ZFPM1: variants seen among roughly 807,000 people sequenced by gnomAD.
The protein encoded by ZFPM1 is zinc finger protein ZFPM1.
Under a neutral mutation model 46.3 loss-of-function variants are expected in ZFPM1, and 28 were observed. The observed-to-expected ratio is 0.60, with a 90% confidence interval of 0.45 to 0.83. The LOEUF (loss-of-function observed/expected upper bound fraction) is 0.83. Ranked by LOEUF, ZFPM1 falls within the 40% of genes least tolerant of loss-of-function variation. The pLI, the probability that ZFPM1 is intolerant of heterozygous loss-of-function variation, is 0.00. For missense variants in ZFPM1, 1,878 were observed against 1,432.4 expected (o/e 1.31, Z -5.02); for synonymous variants, 957 against 675.9 (o/e 1.42, Z -6.45).
At chr16:88,498,312 A>C (rs1359781545) in intron 3 of ZFPM1, among the ~76,000 whole-genome samples, 1 of 152,054 alleles carries the variant, frequency 6.6e-6, no homozygotes, top group South Asian at 2.1e-4. Context: ...CCTTCCCCGG[A>C]GGTTTGCTGA....
At chr16:88,531,701 C>T (rs1392285531) in intron 6 of ZFPM1, among the ~76,000 whole-genome samples, 1 of 152,254 alleles carries the variant, frequency 6.6e-6, no homozygotes, top group Non-Finnish European at 1.5e-5. Context: ...CCACTTCTTC[C>T]TTCTGCCCCC....
intron 3 of ZFPM1, among the ~76,000 whole-genome samples, chr16:88,506,383 G>T (rs947258007): frequency 2.0e-5 from 3 of 152,050 alleles, no homozygotes; most frequent in East Asian, 1.9e-4. Context: ...GCGCTGGGGG[G>T]CCTTAGGCAG....
intron 2 of ZFPM1, among the ~76,000 whole-genome samples, chr16:88,486,979 CT>C (rs1283220082): frequency 3.3e-5 from 5 of 152,208 alleles, no homozygotes; most frequent in Non-Finnish European, 5.9e-5. Flanking sequence ...CCACCCAGGT[CT>C]GGGTTTAGCC....
In ZFPM1 at chr16:88,471,306, C is replaced by G. The variant is rs1183049788; in HGVS notation, c.41-14633C>G. Among the ~76,000 whole-genome samples, 2 of 152,268 alleles carry G rather than the reference C, an allele frequency of 1.3e-5. No homozygotes were observed. Among genetic ancestry groups the G allele is most frequent in the Admixed American group, 6.5e-5 (1 of 15,292 alleles). On this transcript the variant is annotated intron_variant, in intron 1 of 9. Transcript: ENST00000319555. The surrounding 1 kb of genome is among the most constrained non-coding windows in gnomAD (Gnocchi z 4.1). ...TCGCGAAGGCCAGCGGCCGCAGGGTCTGGCTTGGGCTATAGCATCTAGGCT... is the reference window on the plus strand; with the variant it reads ...TCGCGAAGGCCAGCGGCCGCAGGGTGTGGCTTGGGCTATAGCATCTAGGCT...
chr16:88,463,410 TC>T (rs996948466), intron 1 of ZFPM1, among the ~76,000 whole-genome samples: 2 of 152,044 alleles, frequency 1.3e-5, no homozygotes, highest in African/African-American at 4.8e-5. Flanking sequence ...CACAGGGCCC[TC>T]CCCCGGATGT....
intron 3 of ZFPM1, among the ~76,000 whole-genome samples, chr16:88,498,099 G>T (rs1405879496): frequency 6.6e-6 from 1 of 151,966 alleles, no homozygotes; most frequent in Non-Finnish European, 1.5e-5. Context: ...GGATGGCAGG[G>T]GTCAGCCTGG....
Position 88,480,371 on chromosome 16 carries a change from C to T in ZFPM1, c.41-5568C>T, listed in dbSNP as rs913676071. Among the ~76,000 whole-genome samples the T allele has an allele frequency of 3.3e-5, 5 of 152,102 alleles. No individual in the cohort carries two copies. Among genetic ancestry groups the T allele is most frequent in the African/African-American group, 4.8e-5 (2 of 41,412 alleles). On this transcript the variant is annotated intron_variant, in intron 1 of 9. Coordinates refer to ENST00000319555, the MANE Select transcript of ZFPM1 (RefSeq NM_153813.3). This position sits in a 1 kb window ranked among gnomAD's most constrained non-coding sequence, Gnocchi z 4.9. ...GGAAGGGGAAAGGAGCCAGCGAAAG[C>T]GAAGGAGGAAGAAGTGAGTGTGTGA...
At chr16:88,532,327 C>T in intron 7 of ZFPM1, 92 bp downstream of exon 7, 2 of 1,238,878 alleles carry the variant, frequency 1.6e-6, no homozygotes, top group Non-Finnish European at 2.2e-6. Flanking sequence ...CATGCAAGCA[C>T]ACACGGTGCC....
chr16:88,456,786 G>A (rs77912798), intron 1 of ZFPM1, among the ~76,000 whole-genome samples: 3,740 of 152,258 alleles, frequency 0.025, 144 homozygotes, highest in African/African-American at 0.085. Flanking sequence ...ATGGAATCAG[G>A]AATAGGTCCC....
intron 3 of ZFPM1, among the ~76,000 whole-genome samples, chr16:88,495,349 C>T (rs981396134): frequency 2.0e-5 from 3 of 152,200 alleles, no homozygotes; most frequent in Non-Finnish European, 4.4e-5. Flanking sequence ...AACAGGCCTC[C>T]GCCACCTCCC....
chr16:88,512,256 A>G (rs1000950989), intron 3 of ZFPM1, among the ~76,000 whole-genome samples: 1 of 152,136 alleles, frequency 6.6e-6, no homozygotes, highest in Admixed American at 6.5e-5. Context: ...GCAGGGGACA[A>G]GTGAGAGCCC....
At position 88,462,176 on chromosome 16, in the gene ZFPM1, G is replaced by A. The variant is rs547944365; in HGVS notation, c.40+8498G>A. On this transcript the variant is annotated intron_variant, in intron 1 of 9. Coordinates refer to ENST00000319555, the MANE Select transcript of ZFPM1 (RefSeq NM_153813.3). ...TCCTGTGCCTCCGTCTGCTTCCCCAGCTTCCCCTGGGCTGCTGGCTGTGGT... is the reference window on the plus strand; with the variant it reads ...TCCTGTGCCTCCGTCTGCTTCCCCAACTTCCCCTGGGCTGCTGGCTGTGGT... Among the ~76,000 whole-genome samples the A allele has an allele frequency of 1.5e-4, 23 of 152,324 alleles. No individual in the cohort carries two copies. In the East Asian group the frequency reaches 2.9e-3, roughly 19 times the overall value.
At chr16:88,521,748 C>A (rs1352704730) in intron 4 of ZFPM1, among the ~76,000 whole-genome samples, 2 of 100,484 alleles carry the variant, frequency 2.0e-5, no homozygotes, top group Non-Finnish European at 4.0e-5. Flanking sequence ...TTCCCACACC[C>A]TGTGCTGTTC....
intron 3 of ZFPM1, among the ~76,000 whole-genome samples, chr16:88,513,830 C>T (rs1174436486): frequency 6.6e-6 from 1 of 152,218 alleles, no homozygotes; most frequent in Non-Finnish European, 1.5e-5. Flanking sequence ...ACCCTCATGG[C>T]TGCCTCCCAT....
At position 88,497,166 on chromosome 16, in the gene ZFPM1, G is replaced by C. The variant is rs887183631; in HGVS notation, c.268+8013G>C. ...GGGCTCTGATGGCAGAGATGGGAAGGCTGGCCATGTCCCCAGGGCACTGCT... is the reference window on the plus strand; with the variant it reads ...GGGCTCTGATGGCAGAGATGGGAAGCCTGGCCATGTCCCCAGGGCACTGCT... On this transcript the variant is annotated intron_variant, in intron 3 of 9. Coordinates refer to ENST00000319555, the MANE Select transcript of ZFPM1 (RefSeq NM_153813.3). This position sits in a 1 kb window ranked among gnomAD's most constrained non-coding sequence, Gnocchi z 5.4. Among the ~76,000 whole-genome samples, 3 of 152,222 alleles carry C rather than the reference G, an allele frequency of 2.0e-5. No individual in the cohort carries two copies. Among genetic ancestry groups the C allele is most frequent in the East Asian group, 3.9e-4 (2 of 5,188 alleles).
In ZFPM1 at chr16:88,501,635, G is replaced by A. The variant is rs1163740269; in HGVS notation, c.268+12482G>A. Among the ~76,000 whole-genome samples, 848 of 121,532 alleles carry A rather than the reference G, an allele frequency of 7.0e-3. 76 individuals are homozygous for A. Among genetic ancestry groups the A allele is most frequent in the African/African-American group, 0.027 (806 of 30,338 alleles). 79.7% of individuals were successfully genotyped at this position (121,532 alleles called of 152,430 possible). On this transcript the variant is annotated intron_variant, in intron 3 of 9. Transcript: ENST00000319555. The stretch of plus-strand genomic sequence containing the variant: ...GTGATGATGGAGATAGTGGGCCTGG[G>A]TGCGTGGGCCATCGCGCAGGTGCTG...
At chr16:88,493,156 G>GGTGAGGAGAGCTGTCCCGGA (rs1909695540) in intron 3 of ZFPM1, among the ~76,000 whole-genome samples, 1 of 107,282 alleles carries the variant, frequency 9.3e-6, no homozygotes, top group African/African-American at 3.0e-5. Context: ...GCTGTCCCGG[G>GGTGAGGAGAGCTGTCCCGGA]GTGAGGAGAG....
rs562238128 is a variant in ZFPM1, at chr16:88,512,176, G to A, written c.269-2211G>A. Among the ~76,000 whole-genome samples, 175 of 152,334 alleles carry A rather than the reference G, an allele frequency of 1.1e-3. 1 individual carries two copies. The highest frequency in any genetic ancestry group is 1.7e-3 in the Non-Finnish European group (115 of 68,022). On this transcript the variant is annotated intron_variant, in intron 3 of 9. Coordinates refer to ENST00000319555, the MANE Select transcript of ZFPM1 (RefSeq NM_153813.3). ...GGAGCTCCGATTAGGGAGCAGGACC[G>A]TTTGCCTGTGGGTGCCTCGTGGGCC... is the stretch of plus-strand genomic sequence containing the variant.
At chr16:88,478,677 C>A (rs1225238263) in intron 1 of ZFPM1, among the ~76,000 whole-genome samples, 8 of 152,160 alleles carry the variant, frequency 5.3e-5, no homozygotes, top group Non-Finnish European at 1.2e-4. Flanking sequence ...AGGCCTGGAC[C>A]ATGGGGGACG....
Sources: gnomAD v4.1 joint callset for allele counts (sites outside exome capture counted in the v4.1 genomes callset) on GRCh38, gnomAD v4.1.1 for gene constraint, Gnocchi (gnomAD v3.1) non-coding constraint, MANE v1.5 for transcripts, NCBI Gene and HGNC (gene_info 2026-07-23, HGNC 2026-07-21) for gene names.